The following FRMD4A variants were observed in gnomAD, a reference collection of about 807,000 sequenced individuals.
The protein encoded by FRMD4A is FERM domain containing 4A.
A neutral mutation model predicts 129.1 loss-of-function variants in FRMD4A; 29 were observed. The ratio of observed to expected loss-of-function variants is 0.22; its 90% CI spans 0.17 to 0.31. The LOEUF is 0.31. Ranked by LOEUF, FRMD4A falls within the 10% of genes least tolerant of loss-of-function variation. FRMD4A has a pLI of 1.00. For missense variants in FRMD4A, 1,272 were observed against 1,375.8 expected, an observed-to-expected ratio of 0.92 and a Z score of 1.19; for synonymous variants, 634 against 571.6, an observed-to-expected ratio of 1.11 and a Z score of -1.56.
At chr10:13,943,317 T>C (rs1029067748) in intron 2 of FRMD4A, among the ~76,000 whole-genome samples, 12 of 151,870 alleles carry the variant, frequency 7.9e-5, no homozygotes, top group African/African-American at 2.4e-4. Context: ...AGGCAGCAAA[T>C]ATAGATAATT....
intron 3 of FRMD4A, among the ~76,000 whole-genome samples, chr10:13,842,879 C>T (rs2093988753): frequency 6.6e-6 from 1 of 152,084 alleles, no homozygotes; most frequent in Non-Finnish European, 1.5e-5. Context: ...GATTTCATAT[C>T]CTTTTTTGGT....
chr10:14,059,759 T>G (rs1834718556), intron 2 of FRMD4A, among the ~76,000 whole-genome samples: 1 of 152,214 alleles, frequency 6.6e-6, no homozygotes, highest in South Asian at 2.1e-4. Flanking sequence ...TCAAAATTGT[T>G]CTCCATCCTC....
At chr10:14,265,958 A>G (rs1216653829) in intron 2 of FRMD4A, among the ~76,000 whole-genome samples, 1 of 152,184 alleles carries the variant, frequency 6.6e-6, no homozygotes, top group Non-Finnish European at 1.5e-5. Flanking sequence ...ACCTTATCAC[A>G]TAGAGTCATG....
chr10:13,740,895 T>C (rs1015167047), intron 9 of FRMD4A, among the ~76,000 whole-genome samples: 1 of 146,866 alleles, frequency 6.8e-6, no homozygotes, highest in Non-Finnish European at 1.5e-5. Context: ...GGTGCGATCT[T>C]GGTTCACTGC....
chr10:13,803,907 AC>A (rs1373766785), intron 4 of FRMD4A, among the ~76,000 whole-genome samples: 1 of 152,112 alleles, frequency 6.6e-6, no homozygotes, highest in Non-Finnish European at 1.5e-5. Flanking sequence ...CACTCCGCTC[AC>A]CTGTGCCAGG....
At chr10:13,867,944 A>C (rs930029587) in intron 2 of FRMD4A, among the ~76,000 whole-genome samples, 16 of 144,268 alleles carry the variant, frequency 1.1e-4, no homozygotes, top group African/African-American at 4.1e-4. Flanking sequence ...ATATATAATA[A>C]ATACTATATA....
chr10:13,662,239 G>A (rs1055103490), intron 19 of FRMD4A, among the ~76,000 whole-genome samples: 9 of 152,090 alleles, frequency 5.9e-5, no homozygotes, highest in African/African-American at 2.2e-4. Context: ...TGGCGTCCCC[G>A]GCTTGTAATG....
Position 13,884,186 on chromosome 10 carries a change from ACACACACACT to A in FRMD4A, c.46-25284_46-25275del, listed in dbSNP as rs1589155018. Among the ~76,000 whole-genome samples, 195 of 109,630 alleles carry A rather than the reference ACACACACACT, an allele frequency of 1.8e-3. 6 individuals carry two copies. Among genetic ancestry groups the A allele is most frequent in the African/African-American group, 5.8e-3 (163 of 28,086 alleles). The allele number at this position is 109,630 out of a possible 152,430, so 71.9% of individuals were successfully genotyped here. On this transcript the variant is annotated intron_variant, in intron 2 of 24. Coordinates refer to ENST00000357447, the MANE Select transcript of FRMD4A (RefSeq NM_018027.5). ...CACACACTCACACACTCACACACAC[ACACACACACT>A]CACACACACACTCACACACACACAC...
chr10:14,095,322 T>C (rs989160867), intron 2 of FRMD4A, among the ~76,000 whole-genome samples: 7 of 152,226 alleles, frequency 4.6e-5, no homozygotes, highest in African/African-American at 1.7e-4. Flanking sequence ...TGCATGGGAC[T>C]GCCTGGGTGC....
chr10:13,932,959 G>A (rs1342322482), intron 2 of FRMD4A, among the ~76,000 whole-genome samples: 2 of 152,036 alleles, frequency 1.3e-5, no homozygotes, highest in South Asian at 2.1e-4. Context: ...TGAGGATTTC[G>A]AGACCATCCT....
At chr10:14,113,726 T>C (rs1838048510) in intron 2 of FRMD4A, among the ~76,000 whole-genome samples, 1 of 152,188 alleles carries the variant, frequency 6.6e-6, no homozygotes, top group Non-Finnish European at 1.5e-5. Flanking sequence ...AACACTCTAA[T>C]TGGTCAAAGG....
chr10:13,834,820 T>C (rs1326823394), intron 3 of FRMD4A, among the ~76,000 whole-genome samples: 1 of 152,184 alleles, frequency 6.6e-6, no homozygotes, highest in African/African-American at 2.4e-5. Flanking sequence ...CAGAGGCACA[T>C]GGCTTTTTAA....
At chr10:13,790,782 C>T (rs2092982685) in intron 5 of FRMD4A, among the ~76,000 whole-genome samples, 1 of 151,954 alleles carries the variant, frequency 6.6e-6, no homozygotes, top group Non-Finnish European at 1.5e-5. Flanking sequence ...CAAGTGCAGA[C>T]CCATCTCTCG....
intron 3 of FRMD4A, among the ~76,000 whole-genome samples, chr10:13,845,894 C>T (rs2094038090): frequency 2.0e-5 from 3 of 152,216 alleles, no homozygotes; most frequent in Admixed American, 6.5e-5. Context: ...ACCCAACCGG[C>T]CCCAGAGCCT....
chr10:13,808,404 G>C (rs150829998), intron 4 of FRMD4A, among the ~76,000 whole-genome samples: 2 of 152,344 alleles, frequency 1.3e-5, no homozygotes, highest in African/African-American at 4.8e-5. Flanking sequence ...CCGTGATACA[G>C]AGCAAGGCCA....
chr10:13,857,422 T>C (rs1283174393), intron 3 of FRMD4A, among the ~76,000 whole-genome samples: 1 of 152,170 alleles, frequency 6.6e-6, no homozygotes, highest in Non-Finnish European at 1.5e-5. Flanking sequence ...AATATAAATA[T>C]GAAAAATGCT....
intron 5 of FRMD4A, among the ~76,000 whole-genome samples, chr10:13,787,945 A>G (rs528926476): frequency 6.6e-6 from 1 of 152,070 alleles, no homozygotes; most frequent in African/African-American, 2.4e-5. Context: ...GCAATGTTGC[A>G]TTTCCTTAAC....
At chr10:14,130,519 G>C (rs1473008895) in intron 2 of FRMD4A, among the ~76,000 whole-genome samples, 1 of 152,156 alleles carries the variant, frequency 6.6e-6, no homozygotes, top group Non-Finnish European at 1.5e-5. Context: ...CCAAAGTGCT[G>C]GGATTACAGG....
intron 18 of FRMD4A, among the ~76,000 whole-genome samples, chr10:13,665,520 G>T (rs1313662320): frequency 1.3e-5 from 2 of 152,082 alleles, no homozygotes. Flanking sequence ...GGATTTTGGG[G>T]GATTTCCTTC....
Sources: gnomAD v4.1 joint callset for allele counts (sites outside exome capture counted in the v4.1 genomes callset) on GRCh38, gnomAD v4.1.1 for gene constraint, MANE v1.5 for transcripts, NCBI Gene and HGNC (gene_info 2026-07-23, HGNC 2026-07-21) for gene names.